The following DYNC2H1 variants were observed in gnomAD, a reference collection of about 807,000 sequenced individuals.
The protein encoded by DYNC2H1 is cytoplasmic dynein 2 heavy chain 1.
DYNC2H1 carries 410 observed loss-of-function variants against 570.0 expected under a neutral mutation model. The ratio of observed to expected loss-of-function variants is 0.72; its 90% CI spans 0.66 to 0.78. The LOEUF (loss-of-function observed/expected upper bound fraction) is 0.78, where lower values mean the gene tolerates loss of function less well. DYNC2H1 is among the 30% of genes least tolerant of loss of function. The pLI is 0.00. For missense variants in DYNC2H1, 4,865 were observed against 5,046.4 expected (o/e 0.96, Z 1.09); for synonymous variants, 1,688 against 1,677.6 (o/e 1.01, Z -0.15).
In DYNC2H1 at chr11:103,135,948, G is replaced by T. The variant is rs571674433; in HGVS notation, c.2574G>T (p.Lys858Asn). 1 of 1,574,992 alleles carries T rather than the reference G, an allele frequency of 6.3e-7. No individual in the cohort carries two copies. The highest frequency in any genetic ancestry group is 1.8e-5 in the Admixed American group (1 of 54,872). ...TGTCAGCTGTTTTACACCAACATAAGGTATAGAACATGTAATGTTCCATCC... is the reference window on the plus strand; with the variant it reads ...TGTCAGCTGTTTTACACCAACATAATGTATAGAACATGTAATGTTCCATCC... ...RRLSAVLHQHKEWIVIGQVDM... is the reference protein window; with the variant it reads ...RRLSAVLHQHNEWIVIGQVDM... Residue 858 changes from lysine (K) to asparagine (N), a missense_variant and splice_region_variant, in exon 17 of 89, where the codon AAG (lysine) becomes AAT (asparagine). By Grantham distance (94) the Lys-to-Asn change is moderately conservative (BLOSUM62 0). This residue lies in a region of DYNC2H1 where 1,936 missense variants were observed against 1,962.1 expected (regional missense o/e 0.99). Transcript: ENST00000375735.
Position 103,209,975 on chromosome 11 carries a change from A to G in DYNC2H1, c.8539+15A>G. On this transcript the variant is annotated intron_variant, in intron 53 of 88. Coordinates refer to ENST00000375735, the MANE Select transcript of DYNC2H1 (RefSeq NM_001377.3). This position sits in a 1 kb window ranked among gnomAD's most constrained non-coding sequence, Gnocchi z 4.2. Reference sequence around the variant, plus strand: ...AAAAAATTCAGGTAGTATTTTGATAAAATCAGTTTGATCTGGTTTTTATTT... The same window carrying G: ...AAAAAATTCAGGTAGTATTTTGATAGAATCAGTTTGATCTGGTTTTTATTT... 1 of 1,468,060 alleles carries G rather than the reference A, an allele frequency of 6.8e-7. No individual in the cohort carries two copies. Among genetic ancestry groups the G allele is most frequent in the Non-Finnish European group, 9.0e-7 (1 of 1,107,650 alleles). 90.9% of individuals were successfully genotyped at this position (1,468,060 alleles called of 1,614,324 possible).
rs564788098 is a variant in DYNC2H1 at position 103,326,174 on chromosome 11, T to TA, written c.12039+2185dup. Among the ~76,000 whole-genome samples, 24 of 152,316 alleles carry TA rather than the reference T, an allele frequency of 1.6e-4. No individual in the cohort carries two copies. The highest frequency in any genetic ancestry group is 6.2e-4 in the South Asian group (3 of 4,828). On this transcript the variant is annotated intron_variant, in intron 82 of 88. Transcript: ENST00000375735. This position sits in a 1 kb window ranked among gnomAD's most constrained non-coding sequence, Gnocchi z 6.1. ...GAGTAGTGGCTGGTAGATAGGCTCTTACTTAGCCCTGTGGTTTTTTTGTTA... is the reference window on the plus strand; with the variant it reads ...GAGTAGTGGCTGGTAGATAGGCTCTTAACTTAGCCCTGTGGTTTTTTTGTTA...
intron 72 of DYNC2H1, 55 bp downstream of exon 72, chr11:103,282,284 T>C (rs1472175965): frequency 1.3e-6 from 2 of 1,541,620 alleles, no homozygotes; most frequent in East Asian, 2.3e-5. Context: ...TTCTGGCTTT[T>C]TGTTCATGAG....
chr11:103,457,006 G>A (rs1004880371), intron 87 of DYNC2H1, among the ~76,000 whole-genome samples: 11 of 152,280 alleles, frequency 7.2e-5, no homozygotes, highest in East Asian at 5.8e-4. Flanking sequence ...ACTGCATAAC[G>A]ATGTTTGTCA....
At position 103,305,862 on chromosome 11, in the gene DYNC2H1, TTAC is replaced by T. The variant is rs1392862707; in HGVS notation, c.11382+1145_11382+1147del. Among the ~76,000 whole-genome samples, 21 of 152,284 alleles carry T rather than the reference TTAC, an allele frequency of 1.4e-4. No individual in the cohort carries two copies. Among genetic ancestry groups the T allele is most frequent in the African/African-American group, 5.1e-4 (21 of 41,550 alleles). On this transcript the variant is annotated intron_variant, in intron 77 of 88. Coordinates refer to ENST00000375735, the MANE Select transcript of DYNC2H1 (RefSeq NM_001377.3). The surrounding 1 kb of genome is among the most constrained non-coding windows in gnomAD (Gnocchi z 4.3). ...ATTCTATTATGGCTTTCTGTAAAAA[TTAC>T]TAATGTGTAAAAATATAAAATTTAT...
intron 84 of DYNC2H1, among the ~76,000 whole-genome samples, chr11:103,422,696 A>C (rs1943529597): frequency 6.6e-6 from 1 of 152,104 alleles, no homozygotes; most frequent in Non-Finnish European, 1.5e-5. Flanking sequence ...ATCTCAGGAT[A>C]GAGAGCCATA....
chr11:103,297,836 G>A (rs1866898162), intron 75 of DYNC2H1, among the ~76,000 whole-genome samples: 1 of 151,984 alleles, frequency 6.6e-6, no homozygotes, highest in Non-Finnish European at 1.5e-5. Flanking sequence ...CCTAATACAA[G>A]CTATCATCAG....
chr11:103,121,121 A>G, intron 9 of DYNC2H1, 85 bp downstream of exon 9: 1 of 956,538 alleles, frequency 1.0e-6, no homozygotes, highest in Non-Finnish European at 1.5e-6. Flanking sequence ...ATTTAGGATT[A>G]AAGATACATT....
rs1348549998 is a variant in DYNC2H1, at chr11:103,199,356, C to T, written c.7968C>T (p.Arg2656=). The T allele has an allele frequency of 1.2e-6, 2 of 1,612,382 alleles. No homozygotes were observed. Among genetic ancestry groups the T allele is most frequent in the Non-Finnish European group, 8.5e-7 (1 of 1,179,682 alleles). Residue 2656 remains arginine (R), a synonymous_variant, in exon 49 of 89, where the codon CGC becomes CGT. Transcript: ENST00000375735. The surrounding 1 kb of genome is among the most constrained non-coding windows in gnomAD (Gnocchi z 4.6). ...FPGGSLLLAG[R]SGVGRRTITS... ...GAGGTTCACTTCTATTAGCAGGACG[C>T]AGTGGTGTAGGTCGTCGGACCATCA...
At chr11:103,220,575 T>C in intron 56 of DYNC2H1, 48 bp from the exon 57 acceptor site, 2 of 1,518,074 alleles carry the variant, frequency 1.3e-6, no homozygotes, top group Middle Eastern at 1.8e-4. Flanking sequence ...GTTAATGATT[T>C]AAAGAAATAT....
intron 78 of DYNC2H1, among the ~76,000 whole-genome samples, chr11:103,308,641 T>C (rs1287108296): frequency 6.6e-6 from 1 of 152,202 alleles, no homozygotes; most frequent in Non-Finnish European, 1.5e-5. Flanking sequence ...GTCCACATCC[T>C]CACCAACACT....
rs375813982 is a variant in DYNC2H1 at position 103,179,073 on chromosome 11, A to G, written c.6187A>G (p.Ile2063Val). The G allele has an allele frequency of 1.9e-6, 3 of 1,612,676 alleles. No homozygotes were observed. Among genetic ancestry groups the G allele is most frequent in the Non-Finnish European group, 2.5e-6 (3 of 1,179,012 alleles). ...TGATGGTGATATTGACCCTGAATGG[A>G]TAGAATCTCTGAATTCTGTTCTGGA... ...ICDGDIDPEW[I>V]ESLNSVLDDN... The change falls in exon 39 of 89, where the codon ATA becomes GTA. Residue 2063 changes from isoleucine to valine, a missense_variant. This residue lies in a region of DYNC2H1 where 231 missense variants were observed against 310.3 expected (regional missense o/e 0.74). Coordinates refer to ENST00000375735, the MANE Select transcript of DYNC2H1 (RefSeq NM_001377.3).
In DYNC2H1 at chr11:103,380,500, T is replaced by G. The variant is rs183678120; in HGVS notation, c.12157-19163T>G. On this transcript the variant is annotated intron_variant, in intron 83 of 88. Transcript: ENST00000375735. Reference sequence around the variant, plus strand: ...TTCTTTGGGAGCCCAGATGAGGGAATGATTAATTCTGCTGATAGGAAAGTC... The same window carrying G: ...TTCTTTGGGAGCCCAGATGAGGGAAGGATTAATTCTGCTGATAGGAAAGTC... 8.3e-4 allele frequency among the ~76,000 whole-genome samples: 126 copies of G among 152,320 alleles called. 2 individuals are homozygous for G. In the East Asian group the frequency reaches 0.023, roughly 28 times the overall value.
chr11:103,320,409 C>CA lies in DYNC2H1; in HGVS notation c.11726-614dup, dbSNP rs1402353864. Among the ~76,000 whole-genome samples the CA allele has an allele frequency of 3.3e-5, 5 of 152,072 alleles. No homozygotes were observed. The East Asian group carries it at 7.7e-4, about 23-fold the overall frequency. ...AGAGTGAGACACCGTCTCAAAAAAACAAAAAACAAAAACAAAAAGTTCCAT... is the reference window on the plus strand; with the variant it reads ...AGAGTGAGACACCGTCTCAAAAAAACAAAAAAACAAAAACAAAAAGTTCCAT... On this transcript the variant is annotated intron_variant, in intron 80 of 88. Transcript: ENST00000375735.
At chr11:103,399,958 G>A (rs752460865) in intron 84 of DYNC2H1, 86 bp downstream of exon 84, 2 of 1,145,826 alleles carry the variant, frequency 1.7e-6, no homozygotes, top group Non-Finnish European at 2.5e-6. Flanking sequence ...GAATCATATA[G>A]TTAATAGCAG....
intron 70 of DYNC2H1, among the ~76,000 whole-genome samples, chr11:103,270,467 CTA>C (rs377592524): frequency 3.3e-5 from 5 of 151,342 alleles, no homozygotes; most frequent in African/African-American, 1.2e-4. Flanking sequence ...ACAATAATAA[CTA>C]ATAGTAAAAT....
At chr11:103,415,167 G>A (rs916520304) in intron 84 of DYNC2H1, among the ~76,000 whole-genome samples, 12 of 152,138 alleles carry the variant, frequency 7.9e-5, no homozygotes, top group East Asian at 3.9e-4. Flanking sequence ...AAATTAATTC[G>A]AGATGGATTA....
intron 70 of DYNC2H1, among the ~76,000 whole-genome samples, chr11:103,279,521 A>C (rs1004186125): frequency 6.6e-6 from 1 of 152,002 alleles, no homozygotes; most frequent in African/African-American, 2.4e-5. Flanking sequence ...GAAAGTCTGA[A>C]TCTTAATTTC....
intron 83 of DYNC2H1, among the ~76,000 whole-genome samples, chr11:103,384,451 ATATT>A (rs1268468243): frequency 1.3e-5 from 2 of 152,118 alleles, no homozygotes; most frequent in Non-Finnish European, 1.5e-5. Flanking sequence ...TATAACTGGA[ATATT>A]TAGTCTGTTT....
Sources: allele counts gnomAD v4.1 joint callset (sites outside exome capture counted in the v4.1 genomes callset), GRCh38; gene constraint gnomAD v4.1.1; regional missense constraint gnomAD v4.1.1; non-coding constraint Gnocchi (gnomAD v3.1); transcripts MANE v1.5; gene names NCBI Gene and HGNC (gene_info 2026-07-23, HGNC 2026-07-21).